The following PHF20 variants were observed in gnomAD, a reference collection of about 807,000 sequenced individuals.
PHF20 encodes the protein glioma-expressed antigen 2.
Under a neutral mutation model 113.5 loss-of-function variants are expected in PHF20, and 23 were observed. That is an observed-to-expected ratio of 0.20 (90% CI 0.15 to 0.29). The LOEUF (loss-of-function observed/expected upper bound fraction) is 0.29. Ranked by LOEUF, PHF20 falls within the 10% of genes least tolerant of loss-of-function variation. The pLI is 1.00. For missense variants in PHF20, 943 were observed against 1,219.6 expected (o/e 0.77, Z 3.38); for synonymous variants, 434 against 457.3 (o/e 0.95, Z 0.65).
intron 15 of PHF20, 29 bp from the exon 16 acceptor site, chr20:35,938,668 A>G: frequency 1.3e-6 from 2 of 1,562,334 alleles, no homozygotes; most frequent in South Asian, 2.4e-5. Flanking sequence ...GTTACTCCAA[A>G]GCCCATGTCC....
intron 2 of PHF20, among the ~76,000 whole-genome samples, chr20:35,803,837 C>T (rs544394132): frequency 6.6e-6 from 1 of 151,226 alleles, no homozygotes; most frequent in South Asian, 2.1e-4. Flanking sequence ...TTGTGATTTA[C>T]CCATACTTAA....
At chr20:35,899,061 T>C (rs1273355920) in intron 9 of PHF20, among the ~76,000 whole-genome samples, 1 of 152,136 alleles carries the variant, frequency 6.6e-6, no homozygotes, top group Non-Finnish European at 1.5e-5. Context: ...AGATCCTTTA[T>C]TTTTATTTTT....
At chr20:35,818,508 C>T (rs2042114088) in intron 2 of PHF20, among the ~76,000 whole-genome samples, 1 of 152,154 alleles carries the variant, frequency 6.6e-6, no homozygotes, top group Non-Finnish European at 1.5e-5. Flanking sequence ...AGTGCACCCA[C>T]CTCATCCTCC....
chr20:35,838,023 A>G (rs1157972089), intron 2 of PHF20, among the ~76,000 whole-genome samples: 1 of 152,160 alleles, frequency 6.6e-6, no homozygotes, highest in Non-Finnish European at 1.5e-5. Flanking sequence ...TTAGGTCTGC[A>G]GAGAGTTGGA....
At chr20:35,793,089 C>T (rs1486228507) in intron 1 of PHF20, among the ~76,000 whole-genome samples, 17 of 152,098 alleles carry the variant, frequency 1.1e-4, no homozygotes, top group Admixed American at 1.1e-3. Flanking sequence ...ACTGGACCGG[C>T]TAAAATTGTT....
chr20:35,884,956 G>A (rs1046178176), intron 9 of PHF20, among the ~76,000 whole-genome samples: 2 of 151,978 alleles, frequency 1.3e-5, no homozygotes, highest in African/African-American at 4.8e-5. Context: ...TCTGCCTCCC[G>A]AGTAGCTGGA....
rs773675742 is a variant in PHF20, at chr20:35,927,835, A to G, written c.2060A>G (p.Asn687Ser). The change falls in exon 14 of 18, where the codon AAT becomes AGT. Residue 687 changes from asparagine (N) to serine (S), a missense_variant. Physicochemically the swap from Asn to Ser is conservative, Grantham distance 46. Coordinates refer to ENST00000374012, the MANE Select transcript of PHF20 (RefSeq NM_016436.5). The part of the protein sequence containing the change: ...HGVCMGLLEE[N>S]VPEKYTCYVC... ...GTCTGCATGGGATTACTGGAAGAAAATGTGCCCGAGAAATACACCTGTTAT... is the reference window on the plus strand; with the variant it reads ...GTCTGCATGGGATTACTGGAAGAAAGTGTGCCCGAGAAATACACCTGTTAT... 1 of 1,614,036 alleles carries G rather than the reference A, an allele frequency of 6.2e-7. No homozygotes were observed. The highest frequency in any genetic ancestry group is 1.1e-5 in the South Asian group (1 of 91,090).
At chr20:35,913,212 AAAATGTT>A in intron 10 of PHF20, 30 bp from the exon 11 acceptor site, 1 of 1,498,748 alleles carries the variant, frequency 6.7e-7, no homozygotes, top group Non-Finnish European at 9.3e-7. Context: ...CATTGAAAAC[AAAATGTT>A]AAAATGCCAA....
intron 9 of PHF20, among the ~76,000 whole-genome samples, chr20:35,890,861 G>A (rs1300828100): frequency 6.6e-6 from 1 of 152,178 alleles, no homozygotes; most frequent in African/African-American, 2.4e-5. Context: ...CAGCCTGGGT[G>A]AGAGAGTGAG....
intron 13 of PHF20, among the ~76,000 whole-genome samples, chr20:35,918,074 T>TAA (rs2055440331): frequency 6.6e-6 from 1 of 152,220 alleles, no homozygotes; most frequent in South Asian, 2.1e-4. Flanking sequence ...GCTGGCTTTA[T>TAA]AACTTCTATG....
At chr20:35,862,903 G>A (rs568900021) in intron 5 of PHF20, 110 bp from the exon 6 acceptor site, 199 of 1,055,778 alleles carry the variant, frequency 1.9e-4, no homozygotes, top group African/African-American at 1.7e-3. Flanking sequence ...GTGATCTGGC[G>A]TATGTCTTGT....
intron 2 of PHF20, among the ~76,000 whole-genome samples, chr20:35,802,663 C>T (rs904494858): frequency 2.0e-5 from 3 of 151,868 alleles, no homozygotes; most frequent in African/African-American, 4.8e-5. Flanking sequence ...CTTGGCTGGG[C>T]GCGGTGGCTC....
Position 35,939,113 on chromosome 20 carries a change from G to A in PHF20, c.2712+5G>A, listed in dbSNP as rs769982240. ...CCCAAACCCGGCTCCCCAAAGGTAT[G>A]TGGCTGCCTTGTACTTGTTCTTCAT... On this transcript the variant is annotated splice_donor_5th_base_variant and intron_variant, in intron 16 of 17. Transcript: ENST00000374012. 1.1e-5 allele frequency: 18 copies of A among 1,591,256 alleles called. No individual in the cohort carries two copies. The highest frequency in any genetic ancestry group is 1.5e-5 in the Non-Finnish European group (18 of 1,168,194).
intron 9 of PHF20, chr20:35,878,868 G>C (rs1281664264): frequency 6.7e-6 from 3 of 446,474 alleles, no homozygotes. Flanking sequence ...TTGAATATTG[G>C]CTTCCTTTCT....
chr20:35,934,929 A>G (rs1333709001), intron 15 of PHF20, among the ~76,000 whole-genome samples: 1 of 152,216 alleles, frequency 6.6e-6, no homozygotes, highest in Non-Finnish European at 1.5e-5. Context: ...ATGAGATGGC[A>G]GCAATTAAAT....
intron 2 of PHF20, among the ~76,000 whole-genome samples, chr20:35,804,447 A>C (rs1221675459): frequency 6.6e-6 from 1 of 151,988 alleles, no homozygotes. Context: ...GGTGTTAGCC[A>C]GGATGGTTGC....
chr20:35,931,128 G>C (rs1234296769), intron 14 of PHF20, 121 bp from the exon 15 acceptor site: 40 of 688,718 alleles, frequency 5.8e-5, no homozygotes, highest in Non-Finnish European at 8.7e-5. Context: ...ATGAATAAAT[G>C]AACAAAATGA....
chr20:35,942,704 A>G (rs2147133925), intron 17 of PHF20, among the ~76,000 whole-genome samples: 1 of 152,390 alleles, frequency 6.6e-6, no homozygotes, highest in African/African-American at 2.4e-5. Flanking sequence ...ATTAAAATAA[A>G]TGATAAAGCT....
chr20:35,886,302 C>A (rs1471158288), intron 9 of PHF20, among the ~76,000 whole-genome samples: 1 of 150,676 alleles, frequency 6.6e-6, no homozygotes, highest in Non-Finnish European at 1.5e-5. Flanking sequence ...CCATGCCCAG[C>A]TTTTTTTTTG....
Sources: allele counts gnomAD v4.1 joint callset (sites outside exome capture counted in the v4.1 genomes callset), GRCh38; gene constraint gnomAD v4.1.1; transcripts MANE v1.5; gene names NCBI Gene and HGNC (gene_info 2026-07-23, HGNC 2026-07-21).